Variants in RNF135 observed in about 807,000 individuals in gnomAD.
RNF135 encodes the protein E3 ubiquitin-protein ligase RNF135.
A neutral mutation model predicts 41.9 loss-of-function variants in RNF135; 46 were observed. That is an observed-to-expected ratio of 1.10 (90% CI 0.87 to 1.40). RNF135 has a LOEUF of 1.40. RNF135 is among the 40% of genes most tolerant of loss of function. The pLI, the probability that RNF135 is intolerant of heterozygous loss-of-function variation, is 0.00. For missense variants in RNF135, 539 were observed against 549.8 expected (o/e 0.98, Z 0.20); for synonymous variants, 238 against 223.8 (o/e 1.06, Z -0.57).
In RNF135 at chr17:30,999,257, A is replaced by G; in HGVS notation, c.*66A>G. 6.5e-7 allele frequency: 1 copy of G among 1,549,520 alleles called. No homozygotes were observed. The highest frequency in any genetic ancestry group is 8.8e-7 in the Non-Finnish European group (1 of 1,133,974). The stretch of plus-strand genomic sequence containing the variant: ...TCTCCCTGTCATCAATCAGGGTAGT[A>G]ACTTGACTTAAGAATACCACTTTTT... On this transcript the variant is annotated 3_prime_UTR_variant, in exon 5 of 5. Transcript: ENST00000328381.
chr17:30,971,288 T>C lies in RNF135; in HGVS notation c.215T>C (p.Leu72Pro), dbSNP rs1357630140. The C allele has an allele frequency of 9.8e-6, 15 of 1,527,968 alleles. No individual in the cohort carries two copies. Among genetic ancestry groups the C allele is most frequent in the Non-Finnish European group, 1.3e-5 (15 of 1,141,578 alleles). 94.7% of individuals were successfully genotyped at this position (1,527,968 alleles called of 1,614,324 possible). A position where few individuals can be genotyped will look rare whatever the true frequency, so the allele number is the denominator to read the frequency against. The change falls in exon 1 of 5, where the codon CTG (leucine) becomes CCG (proline). Residue 72 changes from leucine to proline, a missense_variant. By Grantham distance (98) the Leu-to-Pro change is moderately conservative (BLOSUM62 -3). Around this residue, in one of 2 missense-constraint regions of RNF135, gnomAD observed 277 missense variants for 212.8 expected, o/e 1.30. Transcript: ENST00000328381. ...CAGGGCGCCGCGCAGCAGCCGCACC[T>C]GCGGAAGAACACGCTACTGCAGGAC... ...CRQGAAQQPH[L>P]RKNTLLQDLA... is the part of the protein sequence containing the mutation.
intron 3 of RNF135, among the ~76,000 whole-genome samples, chr17:30,992,942 G>GT (rs1426914833): frequency 6.6e-6 from 1 of 151,750 alleles, no homozygotes; most frequent in Non-Finnish European, 1.5e-5. Context: ...TACTTACACA[G>GT]TTTACATTTA....
intron 1 of RNF135, among the ~76,000 whole-genome samples, chr17:30,977,265 A>AT (rs1266368293): frequency 1.8e-4 from 28 of 152,066 alleles, no homozygotes; most frequent in Non-Finnish European, 2.4e-4. Flanking sequence ...CTGCTATTTA[A>AT]TTTTTTGTTA....
chr17:30,967,656 A>G (rs1905604537), upstream of RNF135, among the ~76,000 whole-genome samples: 1 of 152,142 alleles, frequency 6.6e-6, no homozygotes, highest in Non-Finnish European at 1.5e-5. Context: ...CTGTGGAGGA[A>G]ATGGAATGGA....
At chr17:30,971,557 T>TA in intron 1 of RNF135, 112 bp downstream of exon 1, 1 of 1,374,178 alleles carries the variant, frequency 7.3e-7, no homozygotes, top group Non-Finnish European at 9.3e-7. Context: ...TACGTTCCTT[T>TA]TCTCAGTCTA....
upstream of RNF135, chr17:30,970,960 G>T: frequency 6.2e-6 from 9 of 1,445,658 alleles, no homozygotes; most frequent in Non-Finnish European, 8.4e-6. Context: ...GGAAGGAGGA[G>T]AAAAGGCGGC....
chr17:30,988,043 GA>G lies in RNF135; in HGVS notation c.619del (p.Ile207PhefsTer59). 1 of 1,614,098 alleles carries G rather than the reference GA, an allele frequency of 6.2e-7. No homozygotes were observed. The highest frequency in any genetic ancestry group is 8.5e-7 in the Non-Finnish European group (1 of 1,180,010). On this transcript the variant is annotated frameshift_variant, in exon 3 of 5. Transcript: ENST00000328381. LOFTEE classifies it high-confidence loss of function. ...KIRDILHDLEEIQEKLQESVT... is the reference protein window; with the variant it reads ...KIRDILHDLEXIQEKLQESVT... ...CAGAGATATTCTCCATGACCTAGAA[GA>G]AATTCAGGAAAAATTACAAGAAAGC... is the stretch of plus-strand genomic sequence containing the variant.
chr17:30,972,504 T>C (rs1223991131), intron 1 of RNF135: 1 of 152,200 alleles, frequency 6.6e-6, no homozygotes, highest in Non-Finnish European at 1.5e-5. Context: ...AACTGTTTCA[T>C]CATCATAAAC....
At chr17:30,986,473 G>A (rs796385037) in intron 2 of RNF135, among the ~76,000 whole-genome samples, 30 of 152,328 alleles carry the variant, frequency 2.0e-4, no homozygotes, top group African/African-American at 6.0e-4. Flanking sequence ...GGGATTACAG[G>A]CGTGCGCCAC....
At chr17:30,986,397 A>G (rs542400289) in intron 2 of RNF135, among the ~76,000 whole-genome samples, 1 of 152,244 alleles carries the variant, frequency 6.6e-6, no homozygotes, top group Non-Finnish European at 1.5e-5. Context: ...GGGTTTCACC[A>G]TACTGGCCAG....
chr17:30,960,194 C>T, the RNF135 span, among the ~76,000 whole-genome samples: 3 of 151,770 alleles, frequency 2.0e-5, no homozygotes, highest in East Asian at 5.8e-4. Context: ...GAGATCAAGA[C>T]CATCCTGGCC....
intron 3 of RNF135, among the ~76,000 whole-genome samples, chr17:30,996,515 T>C (rs1908361262): frequency 6.6e-6 from 1 of 152,230 alleles, no homozygotes; most frequent in African/African-American, 2.4e-5. Context: ...GACTGGCCTC[T>C]TTACAGGCAG....
chr17:30,988,475 TGGAGTGCAGTG>T (rs536893166), intron 3 of RNF135, among the ~76,000 whole-genome samples: 1 of 133,846 alleles, frequency 7.5e-6, no homozygotes, highest in Admixed American at 8.3e-5. Flanking sequence ...TCGCCCAGGC[TGGAGTGCAGTG>T]GCACCATCTG....
chr17:30,988,019 A>G lies in RNF135; in HGVS notation c.592A>G (p.Arg198Gly). 6.2e-7 allele frequency: 1 copy of G among 1,614,062 alleles called. No homozygotes were observed. Among genetic ancestry groups the G allele is most frequent in the Non-Finnish European group, 8.5e-7 (1 of 1,179,900 alleles). Reference protein sequence around the residue: ...VTSDTAAGKIRDILHDLEEIQ... With the variant: ...VTSDTAAGKIGDILHDLEEIQ... ...TTCCGACACAGCTGCAGGGAAAATC[A>G]GAGATATTCTCCATGACCTAGAAGA... The change falls in exon 3 of 5, where the codon AGA becomes GGA. Residue 198 changes from arginine to glycine, a missense_variant. Transcript: ENST00000328381.
chr17:30,982,081 A>G (rs559870527), intron 1 of RNF135, among the ~76,000 whole-genome samples: 1 of 152,338 alleles, frequency 6.6e-6, no homozygotes, highest in Admixed American at 6.5e-5. Context: ...CTAGGGCTCT[A>G]TAATCAGCAG....
intron 3 of RNF135, among the ~76,000 whole-genome samples, chr17:30,994,156 T>C (rs1281766869): frequency 6.6e-6 from 1 of 152,196 alleles, no homozygotes; most frequent in African/African-American, 2.4e-5. Context: ...ATCAGCAAAA[T>C]AGGAGAACAG....
At chr17:30,960,762 CAG>C in the RNF135 span, among the ~76,000 whole-genome samples, 2 of 139,752 alleles carry the variant, frequency 1.4e-5, no homozygotes, top group Non-Finnish European at 3.1e-5. Flanking sequence ...TTTTTTGAGA[CAG>C]AGTCTTGCTC....
chr17:30,997,225 A>G lies in RNF135; in HGVS notation c.680-17A>G. On this transcript the variant is annotated splice_polypyrimidine_tract_variant and intron_variant, in intron 3 of 4. Coordinates refer to ENST00000328381, the MANE Select transcript of RNF135 (RefSeq NM_032322.4). ...TTTCTGATGGGACTTTCCTCTGTTA[A>G]TTTTTTTGTTACTTAGGAGAACTCC... The G allele has an allele frequency of 6.2e-7, 1 of 1,608,690 alleles. No homozygotes were observed.
At chr17:30,997,400 T>G (rs1908425672) in intron 4 of RNF135, 69 bp downstream of exon 4, 4 of 1,301,582 alleles carry the variant, frequency 3.1e-6, no homozygotes, top group Non-Finnish European at 3.3e-6. Context: ...ATATCCTACA[T>G]CCATCTCCCT....
Sources: allele counts gnomAD v4.1 joint callset (sites outside exome capture counted in the v4.1 genomes callset), GRCh38; gene constraint gnomAD v4.1.1; regional missense constraint gnomAD v4.1.1; transcripts MANE v1.5; gene names NCBI Gene and HGNC (gene_info 2026-07-23, HGNC 2026-07-21).